Variants in ZNF875 observed in about 807,000 individuals in gnomAD.
ZNF875 encodes HKR1, GLI-Kruppel zinc finger family member.
Under a neutral mutation model 11.2 loss-of-function variants are expected in ZNF875, and 14 were observed. The ratio of observed to expected loss-of-function variants is 1.26; its 90% CI spans 0.83 to 1.96. The LOEUF (loss-of-function observed/expected upper bound fraction) is 1.96, where lower values mean the gene tolerates loss of function less well. Ranked by LOEUF, ZNF875 falls within the 30% of genes most tolerant of loss-of-function variation. The pLI, the probability that ZNF875 is intolerant of heterozygous loss-of-function variation, is 0.00. For missense variants in ZNF875, 752 were observed against 760.4 expected (o/e 0.99, Z 0.13); for synonymous variants, 301 against 281.1 (o/e 1.07, Z -0.71).
At chr19:37,345,619 A>G (rs1446172259) in intron 2 of ZNF875, among the ~76,000 whole-genome samples, 1 of 152,206 alleles carries the variant, frequency 6.6e-6, no homozygotes, top group Admixed American at 6.5e-5. Flanking sequence ...AGTCACCGTC[A>G]GCCAACTGTG....
chr19:37,316,226 C>T (rs1298149691), upstream of ZNF875, among the ~76,000 whole-genome samples: 1 of 152,198 alleles, frequency 6.6e-6, no homozygotes, highest in East Asian at 1.9e-4. Flanking sequence ...CCTCCCTGCC[C>T]GCTCTGTCCT....
At chr19:37,339,535 A>G (rs1159033632) in intron 2 of ZNF875, among the ~76,000 whole-genome samples, 3 of 141,502 alleles carry the variant, frequency 2.1e-5, no homozygotes. Flanking sequence ...GGAGATTTGA[A>G]CCCTGCCAGT....
At position 37,328,262 on chromosome 19, in the gene ZNF875, G is replaced by T. The variant is rs751807720; in HGVS notation, c.-603+3997G>T. On this transcript the variant is annotated intron_variant, in intron 4 of 5. Coordinates refer to the ZNF875 transcript ENST00000544914. ...CTCAAAAAAAGAAAAAAAGAGAAAG[G>T]GTGGAAAAGAGGGATTCCAGAGTGC... Among the ~76,000 whole-genome samples, 3 of 152,162 alleles carry T rather than the reference G, an allele frequency of 2.0e-5. No homozygotes were observed. In the South Asian group the frequency reaches 6.2e-4, roughly 32 times the overall value.
chr19:37,315,552 G>A (rs1307699462), upstream of ZNF875: 1 of 152,084 alleles, frequency 6.6e-6, no homozygotes. Flanking sequence ...CCTTTGAAAT[G>A]GAAAATTTAA....
rs988349590 is a variant in ZNF875 at position 37,318,523 on chromosome 19, TC to T, written c.-747+338del. On this transcript the variant is annotated intron_variant, in intron 1 of 5. Coordinates refer to the ZNF875 transcript ENST00000544914. ...AGGCTTTATGAAATCATATTTGTTTTCTTTTTTTTTTTTTTTGAGACAGAGT... is the reference window on the plus strand; with the variant it reads ...AGGCTTTATGAAATCATATTTGTTTTTTTTTTTTTTTTTTTGAGACAGAGT... Among the ~76,000 whole-genome samples the T allele has an allele frequency of 2.7e-5, 4 of 149,280 alleles. No individual in the cohort carries two copies. The East Asian group carries it at 5.8e-4, about 22-fold the overall frequency.
At chr19:37,323,074 G>A (rs558702285) in intron 2 of ZNF875, among the ~76,000 whole-genome samples, 2 of 152,036 alleles carry the variant, frequency 1.3e-5, no homozygotes, top group African/African-American at 4.8e-5. Context: ...TCTGTCCTGC[G>A]TTATAGTGTG....
chr19:37,363,273 G>C lies in ZNF875; in HGVS notation c.1421G>C (p.Gly474Ala), dbSNP rs1447108878. ...NLNKHQRSHT[G>A]EKPFVCTECG... ...AACAAACACCAGAGGTCACACACGG[G>C]GGAGAAGCCATTTGTATGTACGGAG... The change falls in exon 5 of 5, where the codon GGG (glycine) becomes GCG (alanine). Residue 474 changes from glycine (G) to alanine (A), a missense_variant. Coordinates refer to ENST00000392153, the MANE Select transcript of ZNF875 (RefSeq NM_001353803.2). 1 of 1,613,538 alleles carries C rather than the reference G, an allele frequency of 6.2e-7. No individual in the cohort carries two copies. The highest frequency in any genetic ancestry group is 8.5e-7 in the Non-Finnish European group (1 of 1,179,706).
At chr19:37,332,049 TATGCATATCTA>T (rs1219735509), upstream of ZNF875, among the ~76,000 whole-genome samples, 1 of 126,304 alleles carries the variant, frequency 7.9e-6, no homozygotes, top group African/African-American at 2.9e-5. Flanking sequence ...TGTTTATGTG[TATGCATATCTA>T]AAAGCACAGC....
chr19:37,344,309 T>G (rs988328207), intron 2 of ZNF875, among the ~76,000 whole-genome samples: 1 of 152,172 alleles, frequency 6.6e-6, no homozygotes, highest in Non-Finnish European at 1.5e-5. Flanking sequence ...TGTTCAAACA[T>G]TGCTGGGCTC....
At chr19:37,341,535 T>A (rs915071972) in intron 2 of ZNF875, among the ~76,000 whole-genome samples, 1 of 152,218 alleles carries the variant, frequency 6.6e-6, no homozygotes, top group Admixed American at 6.5e-5. Context: ...TTTAACGTTT[T>A]GGCTTTTGTC....
chr19:37,363,353 T>G lies in ZNF875; in HGVS notation c.1501T>G (p.Ser501Ala). ...STLSTHQRTH[S>A]GEKPFVCAEC... is the part of the protein sequence containing the mutation. ...CCTGAGCACGCACCAGAGGACACAC[T>G]CAGGGGAGAAGCCATTTGTATGTGC... The change falls in exon 5 of 5, where the codon TCA becomes GCA. Residue 501 changes from serine to alanine, a missense_variant. Coordinates refer to ENST00000392153, the MANE Select transcript of ZNF875 (RefSeq NM_001353803.2). The G allele has an allele frequency of 6.2e-7, 1 of 1,610,282 alleles. No homozygotes were observed. Among genetic ancestry groups the G allele is most frequent in the South Asian group, 1.1e-5 (1 of 90,648 alleles).
At chr19:37,332,793 T>G (rs1209104172), upstream of ZNF875, among the ~76,000 whole-genome samples, 1 of 152,202 alleles carries the variant, frequency 6.6e-6, no homozygotes, top group Non-Finnish European at 1.5e-5. Context: ...CATGACTAGA[T>G]TTTTTCTTCC....
At chr19:37,348,754 A>G (rs568801823) in intron 4 of ZNF875, among the ~76,000 whole-genome samples, 1 of 152,262 alleles carries the variant, frequency 6.6e-6, no homozygotes, top group South Asian at 2.1e-4. Flanking sequence ...CTTCTCATAG[A>G]TATGTCCTTG....
chr19:37,352,151 C>G (rs1428464902), intron 4 of ZNF875, among the ~76,000 whole-genome samples: 1 of 151,634 alleles, frequency 6.6e-6, no homozygotes, highest in African/African-American at 2.4e-5. Flanking sequence ...TATGGAATTT[C>G]CTCCTTTGTT....
In ZNF875 at chr19:37,344,871, G is replaced by C. The variant is rs79386354; in HGVS notation, c.34-2319G>C. The C allele has an allele frequency of 1.7e-3, 1,433 of 820,122 alleles. 15 individuals are homozygous for C. In the African/African-American group the frequency reaches 0.021, roughly 12 times the overall value. The allele number at this position is 820,122 out of a possible 1,614,324, so 50.8% of individuals were successfully genotyped here. A position where few individuals can be genotyped will look rare whatever the true frequency, so the allele number is the denominator to read the frequency against. ...GTGTATGTGTGTATGTTCTGAGAAG[G>C]GGTTGTAAAAGCAAATCACAACAGG... is the stretch of plus-strand genomic sequence containing the variant. On this transcript the variant is annotated intron_variant, in intron 2 of 4. Coordinates refer to ENST00000392153, the MANE Select transcript of ZNF875 (RefSeq NM_001353803.2).
intron 2 of ZNF875, among the ~76,000 whole-genome samples, chr19:37,322,785 T>G (rs1291532988): frequency 6.6e-6 from 1 of 152,210 alleles, no homozygotes; most frequent in African/African-American, 2.4e-5. Context: ...CCTCACAGTT[T>G]ACAGGGAAGC....
chr19:37,362,848 C>T lies in ZNF875; in HGVS notation c.996C>T (p.His332=), dbSNP rs141791100. ...KSNLFTHQRT[H]SGLKPYVCKE... ...ACCTCTTTACACATCAGCGGACACA[C>T]TCAGGGCTCAAGCCTTATGTGTGCA... Residue 332 remains histidine, a synonymous_variant, in exon 5 of 5, where the codon CAC becomes CAT. Transcript: ENST00000392153. 5.3e-5 allele frequency: 86 copies of T among 1,614,090 alleles called. No homozygotes were observed. In the African/African-American group the frequency reaches 1.1e-3, roughly 20 times the overall value.
chr19:37,337,942 A>G (rs1340471203), intron 2 of ZNF875, among the ~76,000 whole-genome samples: 1 of 152,090 alleles, frequency 6.6e-6, no homozygotes, highest in Non-Finnish European at 1.5e-5. Flanking sequence ...AGGAAAAGAG[A>G]TTTCTTAATT....
At chr19:37,320,607 GTC>G (rs917236767) in intron 1 of ZNF875, among the ~76,000 whole-genome samples, 1 of 152,202 alleles carries the variant, frequency 6.6e-6, no homozygotes, top group African/African-American at 2.4e-5. Context: ...TAGCCCACTT[GTC>G]TCTGTTCCGT....
Sources: allele counts gnomAD v4.1 joint callset (sites outside exome capture counted in the v4.1 genomes callset), GRCh38; gene constraint gnomAD v4.1.1; transcripts MANE v1.5; gene names NCBI Gene and HGNC (gene_info 2026-07-23, HGNC 2026-07-21).